C20orf202: variants seen among roughly 807,000 people sequenced by gnomAD.
The protein encoded by C20orf202 is chromosome 20 open reading frame 202, also known as uncharacterized protein C20orf202.
Under a neutral mutation model 5.3 loss-of-function variants are expected in C20orf202, and 5 were observed. The ratio of observed to expected loss-of-function variants is 0.94; its 90% CI spans 0.49 to 1.98. The LOEUF (loss-of-function observed/expected upper bound fraction) is 1.98, where lower values mean the gene tolerates loss of function less well. C20orf202 is among the 30% of genes most tolerant of loss of function. The pLI is 0.01. For synonymous variants in C20orf202, 48 were observed against 50.0 expected, an observed-to-expected ratio of 0.96 and a Z score of 0.16; for missense variants, 135 against 123.5, an observed-to-expected ratio of 1.09 and a Z score of -0.44.
rs1455504036 is a variant in C20orf202 at position 1,207,049 on chromosome 20, G to T, written c.247G>T (p.Gly83Cys). The T allele has an allele frequency of 7.8e-6, 12 of 1,544,586 alleles. No homozygotes were observed. The highest frequency in any genetic ancestry group is 5.9e-5 in the Admixed American group (3 of 50,614). The change falls in exon 2 of 2, where the codon GGT becomes TGT. Residue 83 changes from glycine to cysteine, a missense_variant. Coordinates refer to ENST00000400633, the MANE Select transcript of C20orf202 (RefSeq NM_001394958.1). ...GGGCTGCCAGCCGGTTTGCTCAAGG[G>T]GTCTGGCCCAGCTCCTCCGAGGGGA... The part of the protein sequence containing the change: ...GRGCQPVCSR[G>C]LAQLLRGEDS...
chr20:1,203,850 G>T (rs567586884), intron 1 of C20orf202, among the ~76,000 whole-genome samples, 199 bp downstream of exon 1: 1 of 152,270 alleles, frequency 6.6e-6, no homozygotes, highest in East Asian at 1.9e-4. Flanking sequence ...CTATATGGGA[G>T]GTGCTGGGTG....
intron 1 of C20orf202, among the ~76,000 whole-genome samples, chr20:1,204,008 G>A (rs1003942512): frequency 6.6e-6 from 1 of 152,064 alleles, no homozygotes; most frequent in Non-Finnish European, 1.5e-5. Flanking sequence ...ATCATATGGG[G>A]TATTGTAAGG....
At position 1,206,998 on chromosome 20, in the gene C20orf202, A is replaced by T. The variant is rs1040394919; in HGVS notation, c.196A>T (p.Arg66Ter). 1.9e-6 allele frequency: 3 copies of T among 1,551,336 alleles called. No individual in the cohort carries two copies. The African/African-American group carries it at 4.1e-5, about 21-fold the overall frequency. The change falls in exon 2 of 2, where the codon AGA becomes TGA. Residue 66 changes from arginine (R) to a stop codon, truncating the protein, a stop_gained. Coordinates refer to ENST00000400633, the MANE Select transcript of C20orf202 (RefSeq NM_001394958.1). LOFTEE classifies it low-confidence loss of function (END_TRUNC). The part of the protein sequence containing the change: ...ARSSGGTSPI[R>*]ARAGSEGRGC... ...GTCCAGCGGAGGGACATCCCCCATCAGAGCTCGAGCGGGCTCCGAAGGCAG... is the reference window on the plus strand; with the variant it reads ...GTCCAGCGGAGGGACATCCCCCATCTGAGCTCGAGCGGGCTCCGAAGGCAG...
In C20orf202 at chr20:1,206,994, C is replaced by G; in HGVS notation, c.192C>G (p.Pro64=). The change falls in exon 2 of 2, where the codon CCC becomes CCG. Residue 64 remains proline (P), a synonymous_variant. Coordinates refer to ENST00000400633, the MANE Select transcript of C20orf202 (RefSeq NM_001394958.1). ...CCAGGTCCAGCGGAGGGACATCCCC[C>G]ATCAGAGCTCGAGCGGGCTCCGAAG... ...EDARSSGGTS[P]IRARAGSEGR... is the part of the protein sequence containing the mutation. 1 of 1,551,556 alleles carries G rather than the reference C, an allele frequency of 6.4e-7. No homozygotes were observed. The highest frequency in any genetic ancestry group is 8.7e-7 in the Non-Finnish European group (1 of 1,146,820).
Position 1,207,174 on chromosome 20 carries a change from C to G in C20orf202, c.*72C>G. The G allele has an allele frequency of 8.9e-7, 1 of 1,127,684 alleles. No homozygotes were observed. The highest frequency in any genetic ancestry group is 1.2e-6 in the Non-Finnish European group (1 of 822,428). The allele number at this position is 1,127,684 out of a possible 1,614,324, so 69.9% of individuals were successfully genotyped here. On this transcript the variant is annotated 3_prime_UTR_variant, in exon 2 of 2. Coordinates refer to ENST00000400633, the MANE Select transcript of C20orf202 (RefSeq NM_001394958.1). ...ACCTTTCACTGTGATATTTCAGGGG[C>G]AGAGTGTTGGAATGGGAGTCAGAAA... is the stretch of plus-strand genomic sequence containing the variant.
At chr20:1,205,040 G>A (rs1255788752) in intron 1 of C20orf202, among the ~76,000 whole-genome samples, 1 of 151,870 alleles carries the variant, frequency 6.6e-6, no homozygotes, top group East Asian at 1.9e-4. Context: ...AGGACCACTC[G>A]CTCTGCAGCC....
At position 1,206,992 on chromosome 20, in the gene C20orf202, C is replaced by G. The variant is rs2087134721; in HGVS notation, c.190C>G (p.Pro64Ala). Residue 64 changes from proline to alanine, a missense_variant, in exon 2 of 2, where the codon CCC becomes GCC. Transcript: ENST00000400633. The part of the protein sequence containing the change: ...EDARSSGGTS[P>A]IRARAGSEGR... ...CGCCAGGTCCAGCGGAGGGACATCC[C>G]CCATCAGAGCTCGAGCGGGCTCCGA... The G allele has an allele frequency of 1.3e-6, 2 of 1,551,430 alleles. No individual in the cohort carries two copies. The highest frequency in any genetic ancestry group is 1.7e-4 in the Middle Eastern group (1 of 6,008).
At position 1,208,516 on chromosome 20, in the gene C20orf202, A is replaced by G. The variant is rs990225821; in HGVS notation, c.*1414A>G. The stretch of plus-strand genomic sequence containing the variant: ...CTGCAAAGCACCTTTTGGTGTTACC[A>G]GCTGCTCCCTGTTAGAGTTTGTTAG... On this transcript the variant is annotated 3_prime_UTR_variant, in exon 2 of 2. Coordinates refer to ENST00000400633, the MANE Select transcript of C20orf202 (RefSeq NM_001394958.1). Among the ~76,000 whole-genome samples, 8 of 152,182 alleles carry G rather than the reference A, an allele frequency of 5.3e-5. No individual in the cohort carries two copies. The highest frequency in any genetic ancestry group is 1.2e-4 in the Non-Finnish European group (8 of 68,032).
chr20:1,203,562 A>C lies in C20orf202; in HGVS notation c.-24A>C. 1 of 1,551,718 alleles carries C rather than the reference A, an allele frequency of 6.4e-7. No individual in the cohort carries two copies. Among genetic ancestry groups the C allele is most frequent in the South Asian group, 1.2e-5 (1 of 84,044 alleles). Reference sequence around the variant, plus strand: ...TCGGGCCCAGAACCAGGTCAGTGTCAAGGTCACTCCTAAGAACACTGAGAT... The same window carrying C: ...TCGGGCCCAGAACCAGGTCAGTGTCCAGGTCACTCCTAAGAACACTGAGAT... On this transcript the variant is annotated 5_prime_UTR_variant, in exon 1 of 2. Coordinates refer to ENST00000400633, the MANE Select transcript of C20orf202 (RefSeq NM_001394958.1).
Position 1,207,200 on chromosome 20 carries a change from G to A in C20orf202, c.*98G>A. The A allele has an allele frequency of 1.1e-6, 1 of 872,864 alleles. No individual in the cohort carries two copies. 54.1% of individuals were successfully genotyped at this position (872,864 alleles called of 1,614,324 possible). On this transcript the variant is annotated 3_prime_UTR_variant, in exon 2 of 2. Coordinates refer to ENST00000400633, the MANE Select transcript of C20orf202 (RefSeq NM_001394958.1). ...AGAGTGTTGGAATGGGAGTCAGAAA[G>A]CCAGGGCTCTGGGTTCATTTCTGCC... is the stretch of plus-strand genomic sequence containing the variant.
In C20orf202 at chr20:1,207,383, C is replaced by T; in HGVS notation, c.*281C>T. ...AAATGTGCTCTAGTGCTCTGGCAAG[C>T]ACCATGGCAGTAACCCTATCCTTGG... On this transcript the variant is annotated 3_prime_UTR_variant, in exon 2 of 2. Coordinates refer to ENST00000400633, the MANE Select transcript of C20orf202 (RefSeq NM_001394958.1). The T allele has an allele frequency of 3.1e-6, 1 of 318,566 alleles. No individual in the cohort carries two copies. The highest frequency in any genetic ancestry group is 4.9e-5 in the East Asian group (1 of 20,608). The allele number at this position is 318,566 out of a possible 1,614,324, so 19.7% of individuals were successfully genotyped here.
rs890818489 is a variant in C20orf202, at chr20:1,205,080, G to A, written c.66+1429G>A. 5.9e-5 allele frequency among the ~76,000 whole-genome samples: 9 copies of A among 151,264 alleles called. No individual in the cohort carries two copies. The East Asian group carries it at 1.4e-3, about 23-fold the overall frequency. On this transcript the variant is annotated intron_variant, in intron 1 of 1. Transcript: ENST00000400633. Reference sequence around the variant, plus strand: ...TCGTCCCAGTGTTCTGAGGGAGGCCGACTACACCTTTGCTTCACGTCTTTC... The same window carrying A: ...TCGTCCCAGTGTTCTGAGGGAGGCCAACTACACCTTTGCTTCACGTCTTTC...
At position 1,207,404 on chromosome 20, in the gene C20orf202, C is replaced by G. The variant is rs1406772888; in HGVS notation, c.*302C>G. On this transcript the variant is annotated 3_prime_UTR_variant, in exon 2 of 2. Transcript: ENST00000400633. ...CAAGCACCATGGCAGTAACCCTATC[C>G]TTGGGAATTTTTCACAAGGCAATTG... The G allele has an allele frequency of 1.5e-5, 4 of 271,442 alleles. No homozygotes were observed. Among genetic ancestry groups the G allele is most frequent in the African/African-American group, 8.7e-5 (4 of 45,904 alleles). The allele number at this position is 271,442 out of a possible 1,614,324, so 16.8% of individuals were successfully genotyped here.
intron 1 of C20orf202, among the ~76,000 whole-genome samples, chr20:1,205,466 G>T (rs1465847668): frequency 6.6e-6 from 1 of 152,142 alleles, no homozygotes; most frequent in African/African-American, 2.4e-5. Flanking sequence ...CTTGAGTAGA[G>T]GATGCAGACT....
Position 1,203,525 on chromosome 20 carries a change from G to A in C20orf202, c.-61G>A. On this transcript the variant is annotated 5_prime_UTR_variant, in exon 1 of 2. Transcript: ENST00000400633. Reference sequence around the variant, plus strand: ...CTGAAAGAGTTGGGGGAATGTACAAGTCAAAGATCCCTCGGGCCCAGAACC... The same window carrying A: ...CTGAAAGAGTTGGGGGAATGTACAAATCAAAGATCCCTCGGGCCCAGAACC... 6.5e-7 allele frequency: 1 copy of A among 1,548,966 alleles called. No individual in the cohort carries two copies.
chr20:1,206,307 T>G (rs543030405), intron 1 of C20orf202, among the ~76,000 whole-genome samples: 1 of 152,324 alleles, frequency 6.6e-6, no homozygotes, highest in African/African-American at 2.4e-5. Context: ...CTGAGACATT[T>G]TTAATATATT....
In C20orf202 at chr20:1,207,378, G is replaced by C; in HGVS notation, c.*276G>C. 1 of 328,000 alleles carries C rather than the reference G, an allele frequency of 3.0e-6. No individual in the cohort carries two copies. The allele number at this position is 328,000 out of a possible 1,614,324, so 20.3% of individuals were successfully genotyped here. On this transcript the variant is annotated 3_prime_UTR_variant, in exon 2 of 2. Coordinates refer to ENST00000400633, the MANE Select transcript of C20orf202 (RefSeq NM_001394958.1). Reference sequence around the variant, plus strand: ...AACACAAATGTGCTCTAGTGCTCTGGCAAGCACCATGGCAGTAACCCTATC... The same window carrying C: ...AACACAAATGTGCTCTAGTGCTCTGCCAAGCACCATGGCAGTAACCCTATC...
Position 1,208,935 on chromosome 20 carries a change from TTTC to T in C20orf202, c.*1836_*1838del, listed in dbSNP as rs2087144281. 2.0e-5 allele frequency among the ~76,000 whole-genome samples: 3 copies of T among 151,896 alleles called. No homozygotes were observed. In the South Asian group the frequency reaches 6.2e-4, roughly 31 times the overall value. ...TTAAAGTTTGATAGTTTCTGCCTCT[TTTC>T]TTTGTTCCCTCAGCCCTGGAGATGG... On this transcript the variant is annotated 3_prime_UTR_variant, in exon 2 of 2. Transcript: ENST00000400633.
At chr20:1,205,063 G>C (rs1321900873) in intron 1 of C20orf202, among the ~76,000 whole-genome samples, 1 of 151,678 alleles carries the variant, frequency 6.6e-6, no homozygotes, top group South Asian at 2.1e-4. Context: ...AGTCGTCCCA[G>C]TGTTCTGAGG....
Sources: allele counts gnomAD v4.1 joint callset (sites outside exome capture counted in the v4.1 genomes callset), GRCh38; gene constraint gnomAD v4.1.1; transcripts MANE v1.5; gene names NCBI Gene and HGNC (gene_info 2026-07-23, HGNC 2026-07-21).